Variants in KDM4B observed in about 807,000 individuals in gnomAD.
KDM4B encodes the protein lysine demethylase 4B.
A neutral mutation model predicts 125.2 loss-of-function variants in KDM4B; 32 were observed. The ratio of observed to expected loss-of-function variants is 0.26; its 90% CI spans 0.19 to 0.34. The LOEUF (loss-of-function observed/expected upper bound fraction) is 0.34, where lower values mean the gene tolerates loss of function less well. Ranked by LOEUF, KDM4B falls within the 10% of genes least tolerant of loss-of-function variation. The pLI is 1.00. For synonymous variants in KDM4B, 721 were observed against 677.9 expected (o/e 1.06, Z -0.99); for missense variants, 1,190 against 1,577.7 (o/e 0.75, Z 4.16).
intron 6 of KDM4B, among the ~76,000 whole-genome samples, chr19:5,060,022 A>G (rs1275178921): frequency 6.6e-6 from 1 of 152,178 alleles, no homozygotes; most frequent in Non-Finnish European, 1.5e-5. Context: ...TCCTCCCCAC[A>G]GCCTTCCAGG....
chr19:5,079,491 C>T (rs979711253), intron 8 of KDM4B, among the ~76,000 whole-genome samples: 3 of 152,164 alleles, frequency 2.0e-5, no homozygotes, highest in Non-Finnish European at 4.4e-5. Context: ...GGTCCTTACA[C>T]TGTGAGAGCT....
At chr19:5,135,192 G>A (rs1675637705) in intron 14 of KDM4B, 147 bp from the exon 15 acceptor site, 2 of 611,304 alleles carry the variant, frequency 3.3e-6, no homozygotes, top group African/African-American at 1.9e-5. Context: ...AAGAGGGGCC[G>A]AGGTGGCTCT....
At chr19:5,029,926 A>G (rs2036397885) in intron 2 of KDM4B, among the ~76,000 whole-genome samples, 1 of 152,176 alleles carries the variant, frequency 6.6e-6, no homozygotes, top group Non-Finnish European at 1.5e-5. Context: ...TCCCGGTGTC[A>G]CGGCTCCACC....
intron 11 of KDM4B, among the ~76,000 whole-genome samples, chr19:5,123,212 T>C (rs945702075): frequency 2.0e-5 from 3 of 152,214 alleles, no homozygotes; most frequent in Non-Finnish European, 4.4e-5. Context: ...GGGCTTCTCA[T>C]ATGCTGTGCT....
rs1239540064 is a variant in KDM4B at position 5,114,488 on chromosome 19, C to T, written c.1115+3670C>T. ...GAGCCCTCCCCACCAACAGGGACCT[C>T]AGCCCTCAGGGACAGAACCTCACGA... is the stretch of plus-strand genomic sequence containing the variant. On this transcript the variant is annotated intron_variant, in intron 10 of 22. Coordinates refer to ENST00000159111, the MANE Select transcript of KDM4B (RefSeq NM_015015.3). This position sits in a 1 kb window ranked among gnomAD's most constrained non-coding sequence, Gnocchi z 5.8. 1 of 370,772 alleles carries T rather than the reference C, an allele frequency of 2.7e-6. No individual in the cohort carries two copies. Among genetic ancestry groups the T allele is most frequent in the African/African-American group, 2.1e-5 (1 of 47,544 alleles). The allele number at this position is 370,772 out of a possible 1,614,324, so 23.0% of individuals were successfully genotyped here.
intron 6 of KDM4B, among the ~76,000 whole-genome samples, chr19:5,048,314 G>A (rs972839175): frequency 3.9e-5 from 6 of 152,352 alleles, no homozygotes; most frequent in South Asian, 4.1e-4. Flanking sequence ...ACGTGTGCGC[G>A]CGCATGTGAG....
At chr19:5,022,287 G>A (rs1299357783) in intron 2 of KDM4B, among the ~76,000 whole-genome samples, 1 of 152,136 alleles carries the variant, frequency 6.6e-6, no homozygotes. Flanking sequence ...GCCAGGCCTG[G>A]CCCCAGGTGC....
intron 2 of KDM4B, among the ~76,000 whole-genome samples, chr19:5,018,478 A>T (rs1291649124): frequency 6.6e-6 from 1 of 152,242 alleles, no homozygotes; most frequent in African/African-American, 2.4e-5. Context: ...GAGCTGAAGG[A>T]GAGGAGGAGC....
Position 5,114,074 on chromosome 19 carries a change from G to A in KDM4B, c.1115+3256G>A, listed in dbSNP as rs1482918490. 7.8e-7 allele frequency: 1 copy of A among 1,288,914 alleles called. No individual in the cohort carries two copies. The highest frequency in any genetic ancestry group is 1.0e-6 in the Non-Finnish European group (1 of 988,522). The allele number at this position is 1,288,914 out of a possible 1,614,324, so 79.8% of individuals were successfully genotyped here. A position where few individuals can be genotyped will look rare whatever the true frequency, so the allele number is the denominator to read the frequency against. Reference sequence around the variant, plus strand: ...AACTGCAGCCTGGCTCCTGGCGGGTGCCCTCAGCCTCCCCACTCCCGGTGG... The same window carrying A: ...AACTGCAGCCTGGCTCCTGGCGGGTACCCTCAGCCTCCCCACTCCCGGTGG... On this transcript the variant is annotated intron_variant, in intron 10 of 22. Transcript: ENST00000159111. This position sits in a 1 kb window ranked among gnomAD's most constrained non-coding sequence, Gnocchi z 5.8.
In KDM4B at chr19:5,082,627, C is replaced by G; in HGVS notation, c.918+123C>G. On this transcript the variant is annotated intron_variant, in intron 9 of 22. Transcript: ENST00000159111. This position sits in a 1 kb window ranked among gnomAD's most constrained non-coding sequence, Gnocchi z 5.4. ...TCGCTCAGCCCAGGGCCTGGGCTCTCAACCAGGGTCTGATTCTGGGCTCCT... is the reference window on the plus strand; with the variant it reads ...TCGCTCAGCCCAGGGCCTGGGCTCTGAACCAGGGTCTGATTCTGGGCTCCT... 1 of 1,058,406 alleles carries G rather than the reference C, an allele frequency of 9.4e-7. No homozygotes were observed. Among genetic ancestry groups the G allele is most frequent in the Non-Finnish European group, 1.3e-6 (1 of 755,476 alleles). 65.6% of individuals were successfully genotyped at this position (1,058,406 alleles called of 1,614,324 possible).
chr19:5,109,940 C>T (rs955090191), intron 9 of KDM4B, among the ~76,000 whole-genome samples: 9 of 152,292 alleles, frequency 5.9e-5, no homozygotes, highest in African/African-American at 2.2e-4. Context: ...TGGGGGCACC[C>T]GCGTCTGACG....
At chr19:5,027,824 A>G (rs1249157746) in intron 2 of KDM4B, among the ~76,000 whole-genome samples, 1 of 152,156 alleles carries the variant, frequency 6.6e-6, no homozygotes, top group African/African-American at 2.4e-5. Context: ...TACAGGCGTG[A>G]GCCACCGCAC....
intron 9 of KDM4B, among the ~76,000 whole-genome samples, chr19:5,091,621 A>G (rs1462122631): frequency 3.9e-5 from 6 of 152,260 alleles, no homozygotes; most frequent in African/African-American, 1.4e-4. Context: ...GTAAAATTCA[A>G]ACCAAATTGT....
In KDM4B at chr19:5,144,279, A is replaced by G. The variant is rs1425615408; in HGVS notation, c.2768A>G (p.Gln923Arg). Reference protein sequence around the residue: ...VQLLRAVSLGQVVITKNRNGL... With the variant: ...VQLLRAVSLGRVVITKNRNGL... ...CTCCTGAGGGCCGTGTCCCTAGGCCAGGTGGTCATCACCAAGAACCGCAAC... is the reference window on the plus strand; with the variant it reads ...CTCCTGAGGGCCGTGTCCCTAGGCCGGGTGGTCATCACCAAGAACCGCAAC... Residue 923 changes from glutamine to arginine, a missense_variant, in exon 20 of 23, where the codon CAG (glutamine) becomes CGG (arginine). Physicochemically the swap from Gln to Arg is conservative, Grantham distance 43. This residue lies in a region of KDM4B where 298 missense variants were observed against 439.7 expected (regional missense o/e 0.68). Transcript: ENST00000159111. 6.3e-7 allele frequency: 1 copy of G among 1,597,144 alleles called. No homozygotes were observed. Among genetic ancestry groups the G allele is most frequent in the Non-Finnish European group, 8.5e-7 (1 of 1,172,504 alleles).
chr19:5,083,501 G>A (rs1253211480), intron 9 of KDM4B, among the ~76,000 whole-genome samples: 1 of 152,214 alleles, frequency 6.6e-6, no homozygotes, highest in African/African-American at 2.4e-5. Flanking sequence ...TGGAGCTGGG[G>A]GCTGGGGAGC....
At chr19:5,006,845 C>T (rs187503026) in intron 1 of KDM4B, among the ~76,000 whole-genome samples, 88 of 152,204 alleles carry the variant, frequency 5.8e-4, no homozygotes, top group African/African-American at 2.1e-3. Flanking sequence ...GTTAGCACCT[C>T]TGGGACTTGG....
At chr19:5,022,955 T>C (rs1488326355) in intron 2 of KDM4B, among the ~76,000 whole-genome samples, 1 of 152,166 alleles carries the variant, frequency 6.6e-6, no homozygotes, top group Non-Finnish European at 1.5e-5. Context: ...CGTGGTGGAC[T>C]GAATGATGGT....
rs778425556 is a variant in KDM4B at position 5,020,609 on chromosome 19, G to A, written c.-26+4270G>A. 5.3e-5 allele frequency among the ~76,000 whole-genome samples: 8 copies of A among 152,290 alleles called. No homozygotes were observed. The East Asian group carries it at 1.2e-3, about 22-fold the overall frequency. The stretch of plus-strand genomic sequence containing the variant: ...CTTGGTGCCCAGAGGAAGCCAGGCC[G>A]CGGGCGCTGGGGGAAGGGGGTCCCA... On this transcript the variant is annotated intron_variant, in intron 2 of 22. Transcript: ENST00000159111.
At chr19:5,120,396 G>A (rs558334881) in intron 11 of KDM4B, among the ~76,000 whole-genome samples, 12 of 152,346 alleles carry the variant, frequency 7.9e-5, no homozygotes, top group South Asian at 6.2e-4. Context: ...AGCAGCCACA[G>A]CCACTTGTGG....
Sources: allele counts gnomAD v4.1 joint callset (sites outside exome capture counted in the v4.1 genomes callset), GRCh38; gene constraint gnomAD v4.1.1; regional missense constraint gnomAD v4.1.1; non-coding constraint Gnocchi (gnomAD v3.1); transcripts MANE v1.5; gene names NCBI Gene and HGNC (gene_info 2026-07-23, HGNC 2026-07-21).